UNC5D: variants seen among roughly 807,000 people sequenced by gnomAD.
The protein encoded by UNC5D is netrin receptor UNC5D.
Under a neutral mutation model 105.4 loss-of-function variants are expected in UNC5D, and 39 were observed. The ratio of observed to expected loss-of-function variants is 0.37; its 90% CI spans 0.29 to 0.48. UNC5D has a LOEUF of 0.48. Ranked by LOEUF, UNC5D falls within the 20% of genes least tolerant of loss-of-function variation. The pLI is 0.98. For synonymous variants in UNC5D, 452 were observed against 450.4 expected (o/e 1.00, Z -0.04); for missense variants, 991 against 1,202.4 (o/e 0.82, Z 2.60).
Position 35,793,000 on chromosome 8 carries a change from C to G in UNC5D, c.*2437C>G, listed in dbSNP as rs1803113348. Reference sequence around the variant, plus strand: ...TTTCCTTTGGCCTGGGTTTTATAAACAACTTGAACATCATATCATATAGGA... The same window carrying G: ...TTTCCTTTGGCCTGGGTTTTATAAAGAACTTGAACATCATATCATATAGGA... On this transcript the variant is annotated 3_prime_UTR_variant, in exon 17 of 17. Transcript: ENST00000404895. 1 of 454,388 alleles carries G rather than the reference C, an allele frequency of 2.2e-6. No homozygotes were observed. The highest frequency in any genetic ancestry group is 4.4e-6 in the Non-Finnish European group (1 of 226,346). The allele number at this position is 454,388 out of a possible 1,614,324, so 28.1% of individuals were successfully genotyped here. A position where few individuals can be genotyped will look rare whatever the true frequency, so the allele number is the denominator to read the frequency against.
intron 1 of UNC5D, among the ~76,000 whole-genome samples, chr8:35,304,573 CG>C (rs1360977912): frequency 1.3e-5 from 2 of 151,820 alleles, no homozygotes; most frequent in Non-Finnish European, 2.9e-5. Flanking sequence ...AGTGCACAAG[CG>C]TGTGTATGCG....
intron 1 of UNC5D, among the ~76,000 whole-genome samples, chr8:35,248,913 T>A (rs1182759568): frequency 1.1e-5 from 1 of 93,520 alleles, no homozygotes; most frequent in Non-Finnish European, 1.9e-5. Context: ...ATATTATATA[T>A]AAACATATAT....
chr8:35,432,040 C>T (rs1349659401), intron 1 of UNC5D, among the ~76,000 whole-genome samples: 1 of 151,988 alleles, frequency 6.6e-6, no homozygotes, highest in Non-Finnish European at 1.5e-5. Flanking sequence ...TTTATTAAGT[C>T]ACAAAGGAAT....
intron 4 of UNC5D, among the ~76,000 whole-genome samples, chr8:35,680,607 A>G (rs1825594315): frequency 6.6e-6 from 1 of 152,080 alleles, no homozygotes; most frequent in African/African-American, 2.4e-5. Context: ...TCTTTTGCGC[A>G]TGATTTTATT....
chr8:35,591,120 AG>A (rs1434320441), intron 3 of UNC5D, among the ~76,000 whole-genome samples: 1 of 152,148 alleles, frequency 6.6e-6, no homozygotes, highest in African/African-American at 2.4e-5. Context: ...TTATTTTACA[AG>A]GTAATGTTTT....
At chr8:35,538,798 C>T (rs1815057316) in intron 1 of UNC5D, among the ~76,000 whole-genome samples, 1 of 151,984 alleles carries the variant, frequency 6.6e-6, no homozygotes, top group Non-Finnish European at 1.5e-5. Flanking sequence ...AGAGCTATTA[C>T]AAGCTTTATG....
chr8:35,607,732 G>T (rs945046682), intron 4 of UNC5D, among the ~76,000 whole-genome samples: 1 of 152,004 alleles, frequency 6.6e-6, no homozygotes, highest in Non-Finnish European at 1.5e-5. Flanking sequence ...CTCTTTGATG[G>T]GCACTTCTCC....
chr8:35,523,308 C>G (rs1184136819), intron 1 of UNC5D, among the ~76,000 whole-genome samples: 1 of 152,008 alleles, frequency 6.6e-6, no homozygotes, highest in Non-Finnish European at 1.5e-5. Flanking sequence ...GTCTCGAATT[C>G]CTGGACATAA....
chr8:35,717,063 A>T (rs1222206422), intron 8 of UNC5D, among the ~76,000 whole-genome samples: 1 of 152,112 alleles, frequency 6.6e-6, no homozygotes, highest in Non-Finnish European at 1.5e-5. Context: ...TACCCTTCTC[A>T]GGATGTGCTG....
chr8:35,672,556 T>A (rs921008568), intron 4 of UNC5D, among the ~76,000 whole-genome samples: 24 of 152,114 alleles, frequency 1.6e-4, no homozygotes, highest in South Asian at 6.2e-4. Context: ...AAAGCAAAAG[T>A]AGAAGTAACA....
intron 16 of UNC5D, among the ~76,000 whole-genome samples, chr8:35,782,448 A>G (rs900850162): frequency 2.0e-5 from 3 of 151,928 alleles, no homozygotes; most frequent in Admixed American, 1.3e-4. Flanking sequence ...TTTCCAGTTT[A>G]TTATAGGCAG....
intron 1 of UNC5D, among the ~76,000 whole-genome samples, chr8:35,476,030 CTA>C (rs1246002366): frequency 6.6e-6 from 1 of 152,192 alleles, no homozygotes; most frequent in African/African-American, 2.4e-5. Context: ...ATCAGTGACT[CTA>C]TCGTATATTG....
intron 1 of UNC5D, among the ~76,000 whole-genome samples, chr8:35,241,675 A>G (rs1243311309): frequency 6.8e-6 from 1 of 147,812 alleles, no homozygotes; most frequent in Non-Finnish European, 1.5e-5. Flanking sequence ...TTTATTTTTT[A>G]TTTTTAAATT....
At chr8:35,637,367 T>C (rs1026775242) in intron 4 of UNC5D, among the ~76,000 whole-genome samples, 1 of 152,146 alleles carries the variant, frequency 6.6e-6, no homozygotes, top group Non-Finnish European at 1.5e-5. Flanking sequence ...GCTTCTCAGG[T>C]GCATAGGTTA....
chr8:35,523,605 TA>T (rs1389020640), intron 1 of UNC5D, among the ~76,000 whole-genome samples: 1 of 145,980 alleles, frequency 6.9e-6, no homozygotes, highest in Non-Finnish European at 1.5e-5. Flanking sequence ...TTTTGATGGT[TA>T]AAAAAATTTG....
intron 1 of UNC5D, among the ~76,000 whole-genome samples, chr8:35,302,354 G>A (rs1435403950): frequency 6.6e-6 from 1 of 152,146 alleles, no homozygotes; most frequent in Non-Finnish European, 1.5e-5. Context: ...AAAGGAGAGG[G>A]CTAAACCAAA....
At chr8:35,773,723 T>C (rs1289513017) in intron 15 of UNC5D, among the ~76,000 whole-genome samples, 1 of 151,686 alleles carries the variant, frequency 6.6e-6, no homozygotes, top group African/African-American at 2.4e-5. Context: ...TTTGTTATTT[T>C]GTTTTGTTTT....
chr8:35,329,819 T>C lies in UNC5D; in HGVS notation c.103+93932T>C, dbSNP rs1175492898. 4.6e-5 allele frequency among the ~76,000 whole-genome samples: 7 copies of C among 152,118 alleles called. No individual in the cohort carries two copies. The East Asian group carries it at 1.2e-3, about 25-fold the overall frequency. On this transcript the variant is annotated intron_variant, in intron 1 of 16. Coordinates refer to ENST00000404895, the MANE Select transcript of UNC5D (RefSeq NM_080872.4). ...TATTGTACTGAACTAATTCTATTATTATTTGTTGTTTCTCTGCTTGTCTCT... is the reference window on the plus strand; with the variant it reads ...TATTGTACTGAACTAATTCTATTATCATTTGTTGTTTCTCTGCTTGTCTCT...
In UNC5D at chr8:35,676,779, G is replaced by A. The variant is rs375284164; in HGVS notation, c.571-6768G>A. 1.1e-3 allele frequency among the ~76,000 whole-genome samples: 171 copies of A among 152,204 alleles called. 2 individuals carry two copies. Among genetic ancestry groups the A allele is most frequent in the African/African-American group, 3.9e-3 (164 of 41,522 alleles). On this transcript the variant is annotated intron_variant, in intron 4 of 16. Coordinates refer to ENST00000404895, the MANE Select transcript of UNC5D (RefSeq NM_080872.4). The stretch of plus-strand genomic sequence containing the variant: ...GGTTGAGGAAAATGATTTAGTGAAA[G>A]GAAATTAAATCCAGTGTAGGGCATT...
Sources: allele counts gnomAD v4.1 joint callset (sites outside exome capture counted in the v4.1 genomes callset), GRCh38; gene constraint gnomAD v4.1.1; transcripts MANE v1.5; gene names NCBI Gene and HGNC (gene_info 2026-07-23, HGNC 2026-07-21).